The following SGK1 variants were observed in gnomAD, a reference collection of about 807,000 sequenced individuals.
SGK1 encodes the protein serum/glucocorticoid regulated kinase 1, also known as serine/threonine-protein kinase Sgk1.
SGK1 carries 26 observed loss-of-function variants against 64.2 expected under a neutral mutation model. The observed-to-expected ratio is 0.40, with a 90% CI of 0.30 to 0.56. The LOEUF (loss-of-function observed/expected upper bound fraction) is 0.56, where lower values mean the gene tolerates loss of function less well. SGK1 is among the 20% of genes least tolerant of loss of function. SGK1 has a pLI of 0.38. For synonymous variants in SGK1, 265 were observed against 239.7 expected, an observed-to-expected ratio of 1.11 and a Z score of -0.98; for missense variants, 519 against 645.6, an observed-to-expected ratio of 0.80 and a Z score of 2.12.
chr6:134,244,606 G>A (rs998311441), intron 2 of SGK1, among the ~76,000 whole-genome samples: 2 of 151,992 alleles, frequency 1.3e-5, no homozygotes, highest in African/African-American at 4.8e-5. Flanking sequence ...GTAAGGCAAC[G>A]CCCCCCACCT....
chr6:134,200,733 G>A lies in SGK1; in HGVS notation c.361+6623C>T, dbSNP rs773884727. ...AGCCTGGGCAACATGGAGAAACCCC[G>A]TCTCTACAAGAATACAAGAAATTAG... On this transcript the variant is annotated intron_variant, in intron 3 of 13. Coordinates refer to ENST00000367858, the MANE Select transcript of SGK1 (RefSeq NM_001143676.3). Among the ~76,000 whole-genome samples the A allele has an allele frequency of 2.9e-4, 44 of 152,032 alleles. 1 individual carries two copies. Among genetic ancestry groups the A allele is most frequent in the African/African-American group, 7.2e-5 (3 of 41,408 alleles).
intron 1 of SGK1, among the ~76,000 whole-genome samples, chr6:134,296,309 G>A (rs1249553989): frequency 1.3e-5 from 2 of 152,172 alleles, no homozygotes; most frequent in Admixed American, 1.3e-4. Context: ...ATATTGCTGT[G>A]TTGGCCGGGC....
chr6:134,305,612 C>A (rs542619838), intron 1 of SGK1, among the ~76,000 whole-genome samples: 3 of 151,224 alleles, frequency 2.0e-5, no homozygotes, highest in East Asian at 3.9e-4. Flanking sequence ...ACAGATGTGT[C>A]TCAGATGATG....
At chr6:134,210,811 CA>C (rs60820086) in intron 2 of SGK1, among the ~76,000 whole-genome samples, 374 of 50,808 alleles carry the variant, frequency 7.4e-3, no homozygotes, top group Middle Eastern at 0.019. Flanking sequence ...GACTCCGTCT[CA>C]AAAAAAAAAA....
intron 2 of SGK1, among the ~76,000 whole-genome samples, chr6:134,232,304 G>A (rs1776290562): frequency 6.6e-6 from 1 of 151,536 alleles, no homozygotes; most frequent in African/African-American, 2.4e-5. Context: ...AGAATCACTT[G>A]AACCTGGGAG....
chr6:134,222,410 A>C (rs150397816), intron 2 of SGK1, among the ~76,000 whole-genome samples: 1,900 of 149,900 alleles, frequency 0.013, 43 homozygotes, highest in African/African-American at 0.045. Flanking sequence ...ATCTCAGCTC[A>C]CTGGAACCTC....
intron 2 of SGK1, among the ~76,000 whole-genome samples, chr6:134,252,258 T>C (rs1776616644): frequency 1.3e-5 from 2 of 152,268 alleles, no homozygotes; most frequent in African/African-American, 4.8e-5. Flanking sequence ...CTCCTGGCTC[T>C]AGGAGCCCCA....
At chr6:134,189,227 T>TGTGC (rs1554219569) in intron 3 of SGK1, among the ~76,000 whole-genome samples, 3 of 132,694 alleles carry the variant, frequency 2.3e-5, no homozygotes, top group African/African-American at 9.2e-5. Flanking sequence ...TGTGTGTGTG[T>TGTGC]GCGTGTGCGT....
At chr6:134,206,379 ATATATTTTTTTTTT>A (rs1775783457) in intron 3 of SGK1, among the ~76,000 whole-genome samples, 2 of 4,580 alleles carry the variant, frequency 4.4e-4, no homozygotes, top group African/African-American at 1.3e-3. Context: ...ATATATATAT[ATATATTTTTTTTTT>A]TTTTTTTTTT....
At chr6:134,183,177 T>C (rs761396386) in intron 3 of SGK1, among the ~76,000 whole-genome samples, 4 of 152,240 alleles carry the variant, frequency 2.6e-5, no homozygotes, top group Non-Finnish European at 4.4e-5. Context: ...ATTTATTGTA[T>C]TGATATAAGT....
intron 2 of SGK1, among the ~76,000 whole-genome samples, chr6:134,242,633 AT>A (rs61367721): frequency 1.7e-3 from 251 of 145,638 alleles, no homozygotes; most frequent in African/African-American, 2.0e-3. Flanking sequence ...TTTAAATTTA[AT>A]TTTTTTTTTT....
intron 3 of SGK1, among the ~76,000 whole-genome samples, chr6:134,188,323 A>G (rs899819970): frequency 6.6e-6 from 1 of 151,960 alleles, no homozygotes; most frequent in Non-Finnish European, 1.5e-5. Flanking sequence ...CTGACCATCC[A>G]GCCAAACTAT....
chr6:134,191,446 G>A (rs1031997585), intron 3 of SGK1, among the ~76,000 whole-genome samples: 7 of 152,152 alleles, frequency 4.6e-5, no homozygotes, highest in Admixed American at 1.3e-4. Flanking sequence ...TTCTTCGTTA[G>A]GCTGTGATCA....
intron 3 of SGK1, chr6:134,174,832 C>G: frequency 1.2e-6 from 2 of 1,613,750 alleles, no homozygotes; most frequent in Admixed American, 1.7e-5. Context: ...GACAGAAAGA[C>G]GTTAGCGCTC....
At chr6:134,176,192 C>G (rs1228524243) in intron 3 of SGK1, among the ~76,000 whole-genome samples, 2 of 152,146 alleles carry the variant, frequency 1.3e-5, no homozygotes, top group Non-Finnish European at 2.9e-5. Flanking sequence ...GCTCCTCTCC[C>G]GCTGTCCCAC....
chr6:134,232,720 G>A (rs1776309125), intron 2 of SGK1, among the ~76,000 whole-genome samples: 1 of 151,840 alleles, frequency 6.6e-6, no homozygotes, highest in Non-Finnish European at 1.5e-5. Flanking sequence ...GTGTGGTTGT[G>A]GGGGCCGGTA....
intron 2 of SGK1, among the ~76,000 whole-genome samples, chr6:134,227,018 A>G (rs1776193374): frequency 1.3e-5 from 2 of 152,022 alleles, no homozygotes. Flanking sequence ...TAAGTAGGAA[A>G]GCGTTGTGGT....
intron 2 of SGK1, among the ~76,000 whole-genome samples, chr6:134,234,576 C>T (rs779974611): frequency 6.6e-5 from 10 of 151,970 alleles, no homozygotes; most frequent in Non-Finnish European, 5.9e-5. Flanking sequence ...CTGGAATTCA[C>T]GTTTAAAGAC....
Position 134,187,613 on chromosome 6 carries a change from G to A in SGK1, c.362-13027C>T, listed in dbSNP as rs1775444891. ...CATTCTATTAACCCAGCTGCTCCAG[G>A]ATGATGGGAAACATGGTTAAGACCA... On this transcript the variant is annotated intron_variant, in intron 3 of 13. Transcript: ENST00000367858. Among the ~76,000 whole-genome samples the A allele has an allele frequency of 3.3e-5, 5 of 152,342 alleles. No homozygotes were observed. In the South Asian group the frequency reaches 1.0e-3, roughly 32 times the overall value.
Sources: allele counts gnomAD v4.1 joint callset (sites outside exome capture counted in the v4.1 genomes callset), GRCh38; gene constraint gnomAD v4.1.1; transcripts MANE v1.5; gene names NCBI Gene and HGNC (gene_info 2026-07-23, HGNC 2026-07-21).